Variants in DCDC2 observed in about 807,000 individuals in gnomAD.
The protein encoded by DCDC2 is doublecortin domain containing 2.
In DCDC2, 40 loss-of-function variants were observed where a neutral mutation model predicts 50.2. The ratio of observed to expected loss-of-function variants is 0.80; its 90% CI spans 0.62 to 1.04. DCDC2 has a LOEUF of 1.04. Among genes scored for constraint, DCDC2 ranks in the 50% least tolerant of loss-of-function variants. DCDC2 has a pLI of 0.00. For missense variants in DCDC2, 570 were observed against 581.9 expected (o/e 0.98, Z 0.21); for synonymous variants, 234 against 210.6 (o/e 1.11, Z -0.96).
the DCDC2 span, among the ~76,000 whole-genome samples, chr6:24,382,009 A>AAGGAAGGAAGGAAGGCAGGC: frequency 1.7e-3 from 200 of 116,486 alleles, 2 homozygotes; most frequent in South Asian, 0.011. Flanking sequence ...GGAAGGAAGG[A>AAGGAAGGAAGGAAGGCAGGC]AGGCAGGCAA....
intron 2 of DCDC2, among the ~76,000 whole-genome samples, chr6:24,333,710 C>T (rs1278741837): frequency 3.3e-5 from 5 of 152,086 alleles, no homozygotes; most frequent in Non-Finnish European, 7.4e-5. Flanking sequence ...TCAATGGTAA[C>T]AGGATCAGAT....
intron 7 of DCDC2, among the ~76,000 whole-genome samples, chr6:24,266,524 C>T (rs530894695): frequency 5.3e-5 from 8 of 152,216 alleles, no homozygotes; most frequent in African/African-American, 1.7e-4. Flanking sequence ...GAATAGACAT[C>T]TCTCAAAAGA....
chr6:24,302,023 T>C lies in DCDC2; in HGVS notation c.370A>G (p.Arg124Gly). Residue 124 changes from arginine (R) to glycine (G), a missense_variant, in exon 3 of 10, where the codon AGG (arginine) becomes GGG (glycine). Physicochemically the swap from Arg to Gly is moderately radical, Grantham distance 125 (BLOSUM62 -2). Transcript: ENST00000378454. ...CTAAAGCGAGCTGACACGTTGATCC[T>C]GCTATGGATTACTGGTTTTACCTTT... ...NTEVKPVIHSRINVSARFRKP... is the reference protein window; with the variant it reads ...NTEVKPVIHSGINVSARFRKP... 2 of 1,613,908 alleles carry C rather than the reference T, an allele frequency of 1.2e-6. No individual in the cohort carries two copies. The highest frequency in any genetic ancestry group is 1.7e-6 in the Non-Finnish European group (2 of 1,179,928).
At chr6:24,285,215 A>G (rs946149030) in intron 6 of DCDC2, among the ~76,000 whole-genome samples, 1 of 152,174 alleles carries the variant, frequency 6.6e-6, no homozygotes, top group Non-Finnish European at 1.5e-5. Flanking sequence ...CTACGGGAAC[A>G]CTGTGGAAAG....
intron 7 of DCDC2, among the ~76,000 whole-genome samples, chr6:24,276,519 A>G (rs1763360201): frequency 6.6e-6 from 1 of 152,170 alleles, no homozygotes. Context: ...TTCACTCAAC[A>G]TAATTATTAA....
intron 4 of DCDC2, among the ~76,000 whole-genome samples, chr6:24,298,663 T>C (rs2113835899): frequency 6.6e-6 from 1 of 152,220 alleles, no homozygotes; most frequent in Non-Finnish European, 1.5e-5. Context: ...ACATAAGAAA[T>C]AGTCAATAGA....
intron 7 of DCDC2, among the ~76,000 whole-genome samples, chr6:24,206,667 G>C (rs548390864): frequency 2.0e-5 from 3 of 152,160 alleles, no homozygotes; most frequent in Admixed American, 2.0e-4. Context: ...GCGGAGCTAC[G>C]AATGGTTTGC....
chr6:24,226,497 T>G (rs1762236708), intron 7 of DCDC2, among the ~76,000 whole-genome samples: 1 of 152,186 alleles, frequency 6.6e-6, no homozygotes, highest in South Asian at 2.1e-4. Flanking sequence ...ATGGCAAGAC[T>G]TGCATCCAAA....
chr6:24,247,683 G>A (rs1043801621), intron 7 of DCDC2, among the ~76,000 whole-genome samples: 6 of 152,202 alleles, frequency 3.9e-5, no homozygotes, highest in Admixed American at 3.9e-4. Flanking sequence ...ATGAAGAAAC[G>A]TTGAAAGGGG....
At chr6:24,331,641 T>C (rs1404594903) in intron 2 of DCDC2, among the ~76,000 whole-genome samples, 2 of 152,204 alleles carry the variant, frequency 1.3e-5, no homozygotes, top group African/African-American at 4.8e-5. Context: ...TCTAAATGCT[T>C]TTAAGTATTT....
chr6:24,236,175 A>C (rs1762436706), intron 7 of DCDC2, among the ~76,000 whole-genome samples: 1 of 152,210 alleles, frequency 6.6e-6, no homozygotes, highest in Admixed American at 6.5e-5. Flanking sequence ...GTGTCATACT[A>C]CCTGACTTCA....
intron 7 of DCDC2, among the ~76,000 whole-genome samples, chr6:24,213,999 G>A (rs1761928665): frequency 1.3e-5 from 2 of 152,080 alleles, no homozygotes; most frequent in Admixed American, 1.3e-4. Context: ...TTCTCCACAT[G>A]TCTTATTATG....
chr6:24,349,257 G>A (rs956234535), intron 2 of DCDC2, among the ~76,000 whole-genome samples: 4 of 152,154 alleles, frequency 2.6e-5, no homozygotes, highest in African/African-American at 7.2e-5. Context: ...TTACTAAATC[G>A]AATCACTTAT....
At chr6:24,275,173 TA>T (rs561915881) in intron 7 of DCDC2, among the ~76,000 whole-genome samples, 126 of 152,280 alleles carry the variant, frequency 8.3e-4, no homozygotes, top group African/African-American at 3.0e-3. Context: ...TTCTAATTAC[TA>T]AAATATATGA....
At chr6:24,179,912 C>T (rs1354656627) in intron 8 of DCDC2, among the ~76,000 whole-genome samples, 1 of 116,754 alleles carries the variant, frequency 8.6e-6, no homozygotes, top group Non-Finnish European at 1.6e-5. Context: ...CCAGATAGTG[C>T]TACTGTACTC....
intron 7 of DCDC2, among the ~76,000 whole-genome samples, chr6:24,219,122 T>C (rs541591425): frequency 6.6e-6 from 1 of 152,228 alleles, no homozygotes; most frequent in Non-Finnish European, 1.5e-5. Context: ...TTTGTTGTTA[T>C]ATTTTATATA....
intron 2 of DCDC2, among the ~76,000 whole-genome samples, chr6:24,323,839 G>C (rs1360878738): frequency 6.6e-6 from 1 of 152,106 alleles, no homozygotes; most frequent in Non-Finnish European, 1.5e-5. Context: ...AAAGAAATTT[G>C]ATCCTCTATT....
the DCDC2 span, among the ~76,000 whole-genome samples, chr6:24,380,743 C>G: frequency 2.1e-3 from 318 of 152,194 alleles, 2 homozygotes; most frequent in African/African-American, 7.2e-3. Context: ...AGGACCAAAC[C>G]AAAGAGATGG....
upstream of DCDC2, among the ~76,000 whole-genome samples, chr6:24,361,711 A>G (rs1037348409): frequency 6.6e-6 from 1 of 152,238 alleles, no homozygotes; most frequent in Non-Finnish European, 1.5e-5. Context: ...GTGGCCTCTT[A>G]TTCAAAAATT....
Sources: allele counts gnomAD v4.1 joint callset (sites outside exome capture counted in the v4.1 genomes callset), GRCh38; gene constraint gnomAD v4.1.1; transcripts MANE v1.5; gene names NCBI Gene and HGNC (gene_info 2026-07-23, HGNC 2026-07-21).